Variants in BRAT1 observed in about 807,000 individuals in gnomAD.
BRAT1 encodes BRCA1 associated ATM activator 1, also known as integrator complex assembly factor BRAT1.
BRAT1 carries 74 observed loss-of-function variants against 70.6 expected under a neutral mutation model. That is an observed-to-expected ratio of 1.05 (90% CI 0.87 to 1.27). The LOEUF (loss-of-function observed/expected upper bound fraction) is 1.27. Among genes scored for constraint, BRAT1 ranks in the 50% most tolerant of loss-of-function variants. BRAT1 has a pLI of 0.00. For synonymous variants in BRAT1, 615 were observed against 517.1 expected, an observed-to-expected ratio of 1.19 and a Z score of -2.57; for missense variants, 1,203 against 1,098.2, an observed-to-expected ratio of 1.10 and a Z score of -1.35.
chr7:2,547,545 T>A, intron 2 of BRAT1, 67 bp from the exon 3 acceptor site: 1 of 1,548,828 alleles, frequency 6.5e-7, no homozygotes, highest in African/African-American at 1.4e-5. Flanking sequence ...GGATGACCGC[T>A]CTTCTCCTAG....
rs747194926 is a variant in BRAT1, at chr7:2,547,366, T to A, written c.240A>T (p.Ala80=). The change falls in exon 3 of 14, where the codon GCA becomes GCT. Residue 80 remains alanine, a synonymous_variant. Coordinates refer to ENST00000340611, the MANE Select transcript of BRAT1 (RefSeq NM_152743.4). ...SGVLSFSLRL[A]GTFAAQENCF... ...AGTTTTCCTGGGCTGCGAAGGTTCC[T>A]GCCAGGCGCAGTGAGAAGGAGAGGA... 1 of 1,614,122 alleles carries A rather than the reference T, an allele frequency of 6.2e-7. No individual in the cohort carries two copies. Among genetic ancestry groups the A allele is most frequent in the South Asian group, 1.1e-5 (1 of 91,082 alleles).
At chr7:2,539,423 C>T (rs889926702) in intron 12 of BRAT1, 72 bp from the exon 13 acceptor site, 7 of 1,533,772 alleles carry the variant, frequency 4.6e-6, no homozygotes, top group East Asian at 2.4e-5. Context: ...CTGCCTCCAT[C>T]CCCTTGTGGG....
chr7:2,541,249 T>TG, intron 9 of BRAT1, 49 bp downstream of exon 9: 5 of 1,493,724 alleles, frequency 3.3e-6, no homozygotes, highest in Non-Finnish European at 4.4e-6. Context: ...GAAAGGAGAG[T>TG]GGGGGCACAG....
At position 2,551,287 on chromosome 7, in the gene BRAT1, A is replaced by G. The variant is rs192731571; in HGVS notation, c.127+3018T>C. Among the ~76,000 whole-genome samples, 29 of 150,540 alleles carry G rather than the reference A, an allele frequency of 1.9e-4. No homozygotes were observed. The East Asian group carries it at 5.3e-3, about 27-fold the overall frequency. On this transcript the variant is annotated intron_variant, in intron 2 of 13. Transcript: ENST00000340611. ...TATATATATATCTATATATAGATAT[A>G]TATATATCTCATGCTTACAAACTGT...
chr7:2,540,982 G>T lies in BRAT1; in HGVS notation c.1392C>A (p.Pro464=), dbSNP rs749267783. 3 of 1,550,298 alleles carry T rather than the reference G, an allele frequency of 1.9e-6. No homozygotes were observed. The South Asian group carries it at 3.7e-5, about 19-fold the overall frequency. The part of the protein sequence containing the change: ...LECLESPGSS[P]TVLKKAFQAT... ...CTCTCTATCCCCACCACCGTACCGT[G>T]GGGCTGGAGCCGGGGCTCTCGAGGC... The change falls in exon 10 of 14, where the codon CCC becomes CCA. Residue 464 remains proline (P), a synonymous_variant. Transcript: ENST00000340611.
At position 2,538,382 on chromosome 7, in the gene BRAT1, T is replaced by C. The variant is rs1252548525; in HGVS notation, c.2153A>G (p.Lys718Arg). Reference protein sequence around the residue: ...LFDCDRPVAQKSCDLLLFLRD... With the variant: ...LFDCDRPVAQRSCDLLLFLRD... Reference sequence around the variant, plus strand: ...CAGGAAGAGAAGGAGGTCACAAGACTTCTGCGCCACAGGGCGGTCGCAGTC... The same window carrying C: ...CAGGAAGAGAAGGAGGTCACAAGACCTCTGCGCCACAGGGCGGTCGCAGTC... The change falls in exon 14 of 14, where the codon AAG (lysine) becomes AGG (arginine). Residue 718 changes from lysine (K) to arginine (R), a missense_variant. Physicochemically the swap from Lys to Arg is conservative, Grantham distance 26. Transcript: ENST00000340611. The C allele has an allele frequency of 1.2e-6, 2 of 1,613,538 alleles. No individual in the cohort carries two copies. The highest frequency in any genetic ancestry group is 1.7e-5 in the Admixed American group (1 of 60,032).
rs1779152504 is a variant in BRAT1, at chr7:2,541,414, T to C, written c.1205A>G (p.Asp402Gly). ...GATVTVLRLC[D>G]GSAAPASSVG... The stretch of plus-strand genomic sequence containing the variant: ...ACTGGAGGCAGGGGCAGCCGAGCCG[T>C]CACAGAGCCGCAGGACAGTCACTGT... The change falls in exon 9 of 14, where the codon GAC becomes GGC. Residue 402 changes from aspartate to glycine, a missense_variant. Physicochemically the swap from Asp to Gly is moderately conservative, Grantham distance 94 (BLOSUM62 -1). Coordinates refer to ENST00000340611, the MANE Select transcript of BRAT1 (RefSeq NM_152743.4). 1 of 1,595,340 alleles carries C rather than the reference T, an allele frequency of 6.3e-7. No homozygotes were observed. Among genetic ancestry groups the C allele is most frequent in the Non-Finnish European group, 8.5e-7 (1 of 1,172,590 alleles).
intron 2 of BRAT1, among the ~76,000 whole-genome samples, chr7:2,553,924 G>A (rs1780222064): frequency 1.3e-5 from 2 of 151,948 alleles, no homozygotes; most frequent in Admixed American, 1.3e-4. Context: ...TGGGATTACA[G>A]GTATGAGCCA....
In BRAT1 at chr7:2,543,135, G is replaced by A. The variant is rs987916090; in HGVS notation, c.923+69C>T. 5.5e-5 allele frequency: 81 copies of A among 1,483,232 alleles called. No individual in the cohort carries two copies. In the Middle Eastern group the frequency reaches 9.0e-4, roughly 16 times the overall value. The allele number at this position is 1,483,232 out of a possible 1,614,324, so 91.9% of individuals were successfully genotyped here. Reference sequence around the variant, plus strand: ...GGAACTCCCCTGCCATGAGGGCTGCGCTCTCAACCTCCCTGCCTGCCCCAG... The same window carrying A: ...GGAACTCCCCTGCCATGAGGGCTGCACTCTCAACCTCCCTGCCTGCCCCAG... On this transcript the variant is annotated intron_variant, in intron 6 of 13. Coordinates refer to ENST00000340611, the MANE Select transcript of BRAT1 (RefSeq NM_152743.4). The surrounding 1 kb of genome is among the most constrained non-coding windows in gnomAD (Gnocchi z 5.5).
rs182670357 is a variant in BRAT1, at chr7:2,549,787, G to A, written c.128-2309C>T. Among the ~76,000 whole-genome samples the A allele has an allele frequency of 3.0e-3, 460 of 152,234 alleles. 1 individual carries two copies. Among genetic ancestry groups the A allele is most frequent in the Non-Finnish European group, 4.9e-3 (330 of 68,012 alleles). On this transcript the variant is annotated intron_variant, in intron 2 of 13. Transcript: ENST00000340611. ...GGAGCAGGAGAGAAAAGACACAGTA[G>A]GCAAATTCTAACTTTAAAGAAGCTG...
Position 2,537,930 on chromosome 7 carries a change from A to C in BRAT1, c.*139T>G. On this transcript the variant is annotated 3_prime_UTR_variant, in exon 14 of 14. Coordinates refer to ENST00000340611, the MANE Select transcript of BRAT1 (RefSeq NM_152743.4). ...ATACATCAAACTGTGGGATTTCTTG[A>C]CCTTGCTTCTCTCCTGGTCCTGGCT... The C allele has an allele frequency of 2.3e-6, 3 of 1,316,404 alleles. No individual in the cohort carries two copies. Among genetic ancestry groups the C allele is most frequent in the Non-Finnish European group, 2.9e-6 (3 of 1,017,958 alleles). 81.5% of individuals were successfully genotyped at this position (1,316,404 alleles called of 1,614,324 possible).
intron 2 of BRAT1, among the ~76,000 whole-genome samples, chr7:2,547,824 C>A (rs537641787): frequency 6.6e-6 from 1 of 152,194 alleles, no homozygotes; most frequent in Admixed American, 6.5e-5. Flanking sequence ...TGGCTCACGC[C>A]TGTAATCCCA....
At chr7:2,542,471 C>T (rs1014278879) in intron 6 of BRAT1, 19 of 538,100 alleles carry the variant, frequency 3.5e-5, no homozygotes, top group Non-Finnish European at 5.0e-5. Flanking sequence ...CCTGGCCATG[C>T]ACCCAGAGAG....
Position 2,543,395 on chromosome 7 carries a change from G to A in BRAT1, c.804-72C>T. ...CCCCATTCGAGGCCTGGCTGAGACT[G>A]CCATGGCTCCGGCACTGGAGGCGCC... On this transcript the variant is annotated intron_variant, in intron 5 of 13. Coordinates refer to ENST00000340611, the MANE Select transcript of BRAT1 (RefSeq NM_152743.4). This position sits in a 1 kb window ranked among gnomAD's most constrained non-coding sequence, Gnocchi z 5.5. The A allele has an allele frequency of 6.6e-7, 1 of 1,509,026 alleles. No homozygotes were observed. Among genetic ancestry groups the A allele is most frequent in the South Asian group, 1.3e-5 (1 of 76,234 alleles). The allele number at this position is 1,509,026 out of a possible 1,614,324, so 93.5% of individuals were successfully genotyped here.
chr7:2,544,023 G>A (rs1344447624), intron 4 of BRAT1, 61 bp from the exon 5 acceptor site: 5 of 1,056,210 alleles, frequency 4.7e-6, no homozygotes, highest in Middle Eastern at 2.8e-4. Context: ...GCTGGGGGAG[G>A]CAGAGGGCCT....
In BRAT1 at chr7:2,538,662, C is replaced by A; in HGVS notation, c.1873G>T (p.Ala625Ser). The change falls in exon 14 of 14, where the codon GCC becomes TCC. Residue 625 changes from alanine (A) to serine (S), a missense_variant. Ala to Ser is a moderately conservative substitution (Grantham distance 99). Transcript: ENST00000340611. ...TGCTCCGTGTCCTGGGCCGCGTCGG[C>A]GTGGCCGTCCCGCAGCCACTCAGTG... Reference protein sequence around the residue: ...VFTEWLRDGHADAAQDTEQFV... With the variant: ...VFTEWLRDGHSDAAQDTEQFV... The A allele has an allele frequency of 6.3e-7, 1 of 1,598,322 alleles. No homozygotes were observed.
At chr7:2,553,059 A>G (rs1780157479) in intron 2 of BRAT1, among the ~76,000 whole-genome samples, 1 of 151,824 alleles carries the variant, frequency 6.6e-6, no homozygotes, top group African/African-American at 2.4e-5. Flanking sequence ...TATTTTTTTG[A>G]GACAGAGTCC....
intron 2 of BRAT1, among the ~76,000 whole-genome samples, chr7:2,552,767 C>A (rs559775132): frequency 6.6e-6 from 1 of 150,630 alleles, no homozygotes; most frequent in African/African-American, 2.4e-5. Context: ...GAGACGGAAT[C>A]TCGCTCTGTC....
rs779911979 is a variant in BRAT1, at chr7:2,543,948, T to C, written c.445A>G (p.Ile149Val). 1.9e-6 allele frequency: 3 copies of C among 1,573,700 alleles called. No individual in the cohort carries two copies. In the Admixed American group the frequency reaches 5.2e-5, roughly 27 times the overall value. ...FLADHGAVDTIFSLQGDSSLF... is the reference protein window; with the variant it reads ...FLADHGAVDTVFSLQGDSSLF... The stretch of plus-strand genomic sequence containing the variant: ...CTGGAGTCTCCCTGCAGGGAGAAGA[T>C]GGTGTCGACCGCACCTGGGTAGGGG... The change falls in exon 5 of 14, where the codon ATC becomes GTC. Residue 149 changes from isoleucine (I) to valine (V), a missense_variant. By Grantham distance (29) the Ile-to-Val change is conservative (BLOSUM62 3). Coordinates refer to ENST00000340611, the MANE Select transcript of BRAT1 (RefSeq NM_152743.4). This position sits in a 1 kb window ranked among gnomAD's most constrained non-coding sequence, Gnocchi z 5.5.
Sources: gnomAD v4.1 joint callset for allele counts (sites outside exome capture counted in the v4.1 genomes callset) on GRCh38, gnomAD v4.1.1 for gene constraint, Gnocchi (gnomAD v3.1) non-coding constraint, MANE v1.5 for transcripts, NCBI Gene and HGNC (gene_info 2026-07-23, HGNC 2026-07-21) for gene names.